CELF4: variants seen among roughly 807,000 people sequenced by gnomAD.
The protein encoded by CELF4 is CUG-BP- and ETR-3-like factor 4.
Under a neutral mutation model 59.9 loss-of-function variants are expected in CELF4, and 18 were observed. The ratio of observed to expected loss-of-function variants is 0.30; its 90% CI spans 0.21 to 0.45. The LOEUF is 0.45. Ranked by LOEUF, CELF4 falls within the 20% of genes least tolerant of loss-of-function variation. The pLI, the probability that CELF4 is intolerant of heterozygous loss-of-function variation, is 1.00. For missense variants in CELF4, 456 were observed against 689.0 expected (o/e 0.66, Z 3.79); for synonymous variants, 261 against 267.1 (o/e 0.98, Z 0.22).
At chr18:37,279,486 C>T (rs1662916) in intron 3 of CELF4, among the ~76,000 whole-genome samples, 5,410 of 152,246 alleles carry the variant, frequency 0.036, 334 homozygotes, top group African/African-American at 0.12. Flanking sequence ...TGAGGCCTCA[C>T]GGGTTCCTCC....
chr18:37,481,528 A>G (rs920837977), intron 2 of CELF4, among the ~76,000 whole-genome samples: 1 of 152,220 alleles, frequency 6.6e-6, no homozygotes, highest in African/African-American at 2.4e-5. Context: ...AGGAGCTGCG[A>G]CAAAGCTTCA....
At chr18:37,356,276 C>T (rs1954207540) in intron 2 of CELF4, among the ~76,000 whole-genome samples, 1 of 152,130 alleles carries the variant, frequency 6.6e-6, no homozygotes, top group Non-Finnish European at 1.5e-5. Flanking sequence ...AAACAGTGAA[C>T]ATAAAACTTG....
chr18:37,554,944 G>A (rs1388821703), intron 1 of CELF4, among the ~76,000 whole-genome samples: 1 of 152,174 alleles, frequency 6.6e-6, no homozygotes, highest in African/African-American at 2.4e-5. Flanking sequence ...GTGAGAAATG[G>A]CTTTCTGAAG....
At position 37,265,220 on chromosome 18, in the gene CELF4, CGT is replaced by C. The variant is rs949021294; in HGVS notation, c.1166-465_1166-464del. Among the ~76,000 whole-genome samples, 6 of 151,518 alleles carry C rather than the reference CGT, an allele frequency of 4.0e-5. No individual in the cohort carries two copies. In the South Asian group the frequency reaches 6.3e-4, roughly 16 times the overall value. On this transcript the variant is annotated intron_variant, in intron 9 of 12. Coordinates refer to ENST00000420428, the MANE Select transcript of CELF4 (RefSeq NM_020180.4). Reference sequence around the variant, plus strand: ...GTGTGTGGGTGTGTACGTGTGTGTACGTGTGTGCGCGCACGTGCACTTGTGTA... The same window carrying C: ...GTGTGTGGGTGTGTACGTGTGTGTACGTGTGCGCGCACGTGCACTTGTGTA...
intron 3 of CELF4, among the ~76,000 whole-genome samples, chr18:37,287,086 A>G (rs1313001646): frequency 2.0e-5 from 3 of 152,090 alleles, no homozygotes; most frequent in Non-Finnish European, 4.4e-5. Context: ...TGCCATGGAA[A>G]TCACCTGGAG....
intron 2 of CELF4, among the ~76,000 whole-genome samples, chr18:37,334,186 C>G (rs1226375681): frequency 6.6e-6 from 1 of 152,232 alleles, no homozygotes; most frequent in African/African-American, 2.4e-5. Context: ...GGAGGCATTT[C>G]TAGCCCCAAC....
chr18:37,335,026 C>G (rs1164734894), intron 2 of CELF4, among the ~76,000 whole-genome samples: 10 of 151,460 alleles, frequency 6.6e-5, no homozygotes, highest in Admixed American at 2.6e-4. Context: ...CTGCTCCCCC[C>G]TCTCTCCCTC....
At chr18:37,385,698 C>A (rs1248855986) in intron 2 of CELF4, among the ~76,000 whole-genome samples, 2 of 152,184 alleles carry the variant, frequency 1.3e-5, no homozygotes, top group Non-Finnish European at 2.9e-5. Context: ...AATGCTTTTT[C>A]TATGATATTG....
At chr18:37,354,111 T>C (rs1163168614) in intron 2 of CELF4, among the ~76,000 whole-genome samples, 1 of 152,008 alleles carries the variant, frequency 6.6e-6, no homozygotes, top group East Asian at 1.9e-4. Context: ...AGTTTTTACT[T>C]TTTTCCCTTA....
intron 1 of CELF4, among the ~76,000 whole-genome samples, chr18:37,504,005 AGAGG>A (rs1396473056): frequency 1.3e-5 from 2 of 152,192 alleles, no homozygotes; most frequent in Non-Finnish European, 2.9e-5. Flanking sequence ...TGGGGCCAGG[AGAGG>A]ATGGGAGTTC....
chr18:37,490,719 A>G (rs1263470982), intron 1 of CELF4, among the ~76,000 whole-genome samples: 1 of 151,988 alleles, frequency 6.6e-6, no homozygotes, highest in Non-Finnish European at 1.5e-5. Flanking sequence ...TGATGGTGCA[A>G]ACACCTCCCC....
At chr18:37,494,985 T>C (rs909392076) in intron 1 of CELF4, among the ~76,000 whole-genome samples, 3 of 152,174 alleles carry the variant, frequency 2.0e-5, no homozygotes, top group Non-Finnish European at 4.4e-5. Flanking sequence ...CTTTCAAATG[T>C]CAAAGGCAGG....
chr18:37,419,243 A>G (rs1163529928), intron 2 of CELF4, among the ~76,000 whole-genome samples: 3 of 152,228 alleles, frequency 2.0e-5, no homozygotes, highest in African/African-American at 7.2e-5. Context: ...TTACAAATGA[A>G]TTGGACTTTT....
chr18:37,403,444 C>T (rs977509532), intron 2 of CELF4, among the ~76,000 whole-genome samples: 1 of 152,106 alleles, frequency 6.6e-6, no homozygotes, highest in Non-Finnish European at 1.5e-5. Context: ...CTCTGTGCTC[C>T]TCCTCCAGTC....
chr18:37,519,694 G>A (rs1160816441), intron 1 of CELF4, among the ~76,000 whole-genome samples: 3 of 152,314 alleles, frequency 2.0e-5, no homozygotes, highest in South Asian at 2.1e-4. Flanking sequence ...TGCCACAAGC[G>A]TCCCCCCTCA....
chr18:37,405,705 C>T (rs1336672226), intron 2 of CELF4, among the ~76,000 whole-genome samples: 4 of 152,196 alleles, frequency 2.6e-5, no homozygotes, highest in African/African-American at 9.6e-5. Context: ...ATGTTCTTCC[C>T]GCTAAAAGCA....
intron 9 of CELF4, among the ~76,000 whole-genome samples, chr18:37,265,918 G>T (rs557556039): frequency 6.6e-6 from 1 of 152,242 alleles, no homozygotes; most frequent in South Asian, 2.1e-4. Flanking sequence ...TAGTCCAGGG[G>T]TGACAGAAAG....
At chr18:37,385,354 CA>C (rs34504926) in intron 2 of CELF4, among the ~76,000 whole-genome samples, 3,449 of 100,380 alleles carry the variant, frequency 0.034, 106 homozygotes, top group African/African-American at 0.12. Flanking sequence ...GACTCCATCT[CA>C]AAAAAAAAAA....
At chr18:37,372,227 A>T (rs1197830323) in intron 2 of CELF4, among the ~76,000 whole-genome samples, 1 of 152,252 alleles carries the variant, frequency 6.6e-6, no homozygotes, top group African/African-American at 2.4e-5. Context: ...ACTTGGAACC[A>T]ACCCAAATGT....
Sources: allele counts gnomAD v4.1 joint callset (sites outside exome capture counted in the v4.1 genomes callset), GRCh38; gene constraint gnomAD v4.1.1; transcripts MANE v1.5; gene names NCBI Gene and HGNC (gene_info 2026-07-23, HGNC 2026-07-21).